CA10: variants seen among roughly 807,000 people sequenced by gnomAD.
CA10 encodes the protein carbonic anhydrase-related protein 10.
CA10 carries 14 observed loss-of-function variants against 44.2 expected under a neutral mutation model. That is an observed-to-expected ratio of 0.32 (90% CI 0.21 to 0.50). The LOEUF is 0.50. CA10 is among the 20% of genes least tolerant of loss of function. The pLI is 0.99. For missense variants in CA10, 350 were observed against 409.7 expected (o/e 0.85, Z 1.26); for synonymous variants, 159 against 141.6 (o/e 1.12, Z -0.87).
At chr17:51,724,408 T>C (rs1320950375) in intron 4 of CA10, among the ~76,000 whole-genome samples, 1 of 152,214 alleles carries the variant, frequency 6.6e-6, no homozygotes, top group Admixed American at 6.5e-5. Flanking sequence ...GGGCTCACTA[T>C]AAACACCGGC....
chr17:51,810,221 A>G (rs2038051332), intron 3 of CA10, among the ~76,000 whole-genome samples: 1 of 152,240 alleles, frequency 6.6e-6, no homozygotes, highest in African/African-American at 2.4e-5. Flanking sequence ...TCTTTTCATT[A>G]GAATATAAAA....
At chr17:51,737,462 C>T (rs1338705727) in intron 4 of CA10, among the ~76,000 whole-genome samples, 1 of 152,084 alleles carries the variant, frequency 6.6e-6, no homozygotes, top group East Asian at 1.9e-4. Context: ...AACTAACTGA[C>T]TTGTACAGCA....
chr17:51,849,855 C>G (rs1047667803), intron 3 of CA10, among the ~76,000 whole-genome samples: 1 of 152,178 alleles, frequency 6.6e-6, no homozygotes, highest in Admixed American at 6.5e-5. Context: ...TGAGACCACT[C>G]TCTTTCTTTG....
At position 51,902,430 on chromosome 17, in the gene CA10, T is replaced by A. The variant is rs114258666; in HGVS notation, c.279+28560A>T. Among the ~76,000 whole-genome samples the A allele has an allele frequency of 8.3e-3, 1,261 of 152,272 alleles. 20 individuals are homozygous for A. Among genetic ancestry groups the A allele is most frequent in the Middle Eastern group, 0.037 (11 of 294 alleles). ...TTAATTTTATCTTTTTTTCCCCATT[T>A]GTGCCTTACAAGAGCCCTGAGAGAC... On this transcript the variant is annotated intron_variant, in intron 3 of 8. Transcript: ENST00000451037.
chr17:51,647,914 C>T (rs1913404112), intron 6 of CA10, among the ~76,000 whole-genome samples: 1 of 152,128 alleles, frequency 6.6e-6, no homozygotes, highest in Non-Finnish European at 1.5e-5. Context: ...GGCAATGTCT[C>T]TCTAGGTGGA....
At chr17:52,067,012 CTGA>C (rs1196403318) in intron 2 of CA10, among the ~76,000 whole-genome samples, 1 of 152,142 alleles carries the variant, frequency 6.6e-6, no homozygotes, top group African/African-American at 2.4e-5. Flanking sequence ...AGTTTGCAGC[CTGA>C]TGATGTGATA....
At chr17:51,960,919 C>G (rs203021) in intron 2 of CA10, among the ~76,000 whole-genome samples, 101,315 of 151,992 alleles carry the variant, frequency 0.67, 34,298 homozygotes, top group African/African-American at 0.78. Flanking sequence ...TCTAGGTATT[C>G]CTGTGAGGTA....
Position 51,951,295 on chromosome 17 carries a change from G to A in CA10, c.137-20163C>T, listed in dbSNP as rs181742077. ...ATTTTCTTTCTCCCTCCTGATTTCC[G>A]TTTTAAGAACATTTCTTCTTTTCTT... On this transcript the variant is annotated intron_variant, in intron 2 of 8. Coordinates refer to ENST00000451037, the MANE Select transcript of CA10 (RefSeq NM_020178.5). Among the ~76,000 whole-genome samples, 6 of 152,120 alleles carry A rather than the reference G, an allele frequency of 3.9e-5. No individual in the cohort carries two copies. The East Asian group carries it at 9.7e-4, about 25-fold the overall frequency.
chr17:51,976,227 C>G (rs1338458078), intron 2 of CA10, among the ~76,000 whole-genome samples: 1 of 152,160 alleles, frequency 6.6e-6, no homozygotes, highest in East Asian at 1.9e-4. Flanking sequence ...TAACACCAGT[C>G]TTTCAGTAAT....
chr17:52,154,880 C>G (rs1989772647), intron 1 of CA10, among the ~76,000 whole-genome samples: 1 of 152,194 alleles, frequency 6.6e-6, no homozygotes, highest in Non-Finnish European at 1.5e-5. Flanking sequence ...TGCAGAACCA[C>G]CAAATATGCC....
chr17:52,069,247 A>G (rs1398664815), intron 2 of CA10, among the ~76,000 whole-genome samples: 1 of 152,210 alleles, frequency 6.6e-6, no homozygotes, highest in Non-Finnish European at 1.5e-5. Context: ...GGACACATCA[A>G]ATTAGCCATC....
chr17:52,013,560 T>A (rs552657096), intron 2 of CA10, among the ~76,000 whole-genome samples: 1 of 151,828 alleles, frequency 6.6e-6, no homozygotes, highest in South Asian at 2.1e-4. Flanking sequence ...CAGAAACATA[T>A]AGAAAAATTT....
intron 2 of CA10, among the ~76,000 whole-genome samples, chr17:51,965,610 T>C (rs755020536): frequency 3.3e-5 from 5 of 151,816 alleles, no homozygotes; most frequent in Non-Finnish European, 5.9e-5. Context: ...CCAAAAATCA[T>C]ACAATTATCT....
chr17:52,035,691 G>A (rs1452390157), intron 2 of CA10, among the ~76,000 whole-genome samples: 2 of 152,230 alleles, frequency 1.3e-5, no homozygotes, highest in African/African-American at 4.8e-5. Context: ...GGGCCCACAT[G>A]GAGTTCACTC....
chr17:52,076,183 A>G (rs1040687676), intron 1 of CA10, among the ~76,000 whole-genome samples: 1 of 152,190 alleles, frequency 6.6e-6, no homozygotes. Flanking sequence ...AGGACAACCT[A>G]TCAGTCGAAC....
intron 2 of CA10, among the ~76,000 whole-genome samples, chr17:52,011,873 T>C (rs1985808538): frequency 2.0e-5 from 3 of 152,062 alleles, no homozygotes; most frequent in Admixed American, 2.0e-4. Context: ...GAAATGAGAA[T>C]TGTTTTTCCC....
At chr17:51,796,796 A>T (rs76183876) in intron 3 of CA10, among the ~76,000 whole-genome samples, 2,094 of 152,260 alleles carry the variant, frequency 0.014, 62 homozygotes, top group African/African-American at 0.048. Flanking sequence ...GCATCCATGC[A>T]AGGAGCCCTC....
intron 3 of CA10, among the ~76,000 whole-genome samples, chr17:51,783,633 GAGAAAAGAAAAGGAGACA>G (rs1193658816): frequency 1.3e-5 from 2 of 152,148 alleles, no homozygotes; most frequent in Non-Finnish European, 2.9e-5. Context: ...GAAAGAAATA[GAGAAAAGAAAAGGAGACA>G]AGAAAAGAAA....
At chr17:52,141,327 C>T (rs954860303) in intron 1 of CA10, among the ~76,000 whole-genome samples, 1 of 152,124 alleles carries the variant, frequency 6.6e-6, no homozygotes, top group Non-Finnish European at 1.5e-5. Context: ...GTAAAATGGC[C>T]AAGGTATCCA....
Sources: gnomAD v4.1 joint callset for allele counts (sites outside exome capture counted in the v4.1 genomes callset) on GRCh38, gnomAD v4.1.1 for gene constraint, MANE v1.5 for transcripts, NCBI Gene and HGNC (gene_info 2026-07-23, HGNC 2026-07-21) for gene names.